ANKRD44: variants seen among roughly 807,000 people sequenced by gnomAD.
The protein encoded by ANKRD44 is serine/threonine-protein phosphatase 6 regulatory ankyrin repeat subunit B.
Under a neutral mutation model 116.0 loss-of-function variants are expected in ANKRD44, and 35 were observed. That is an observed-to-expected ratio of 0.30 (90% CI 0.23 to 0.40). ANKRD44 has a LOEUF of 0.40. Ranked by LOEUF, ANKRD44 falls within the 10% of genes least tolerant of loss-of-function variation. The pLI is 1.00. For synonymous variants in ANKRD44, 435 were observed against 461.8 expected (o/e 0.94, Z 0.74); for missense variants, 1,014 against 1,242.6 (o/e 0.82, Z 2.77).
chr2:197,037,970 T>C (rs2076838169), intron 16 of ANKRD44, among the ~76,000 whole-genome samples: 1 of 152,066 alleles, frequency 6.6e-6, no homozygotes, highest in Non-Finnish European at 1.5e-5. Context: ...TAGTCATTGC[T>C]ACATTTTAAA....
intron 2 of ANKRD44, among the ~76,000 whole-genome samples, chr2:197,147,495 C>G (rs1417236034): frequency 1.3e-5 from 2 of 150,280 alleles, no homozygotes; most frequent in African/African-American, 4.9e-5. Flanking sequence ...GACTTATTTT[C>G]TTTCTAAGGA....
At chr2:196,979,580 T>A (rs1312068280) in intron 21 of ANKRD44, among the ~76,000 whole-genome samples, 5 of 91,758 alleles carry the variant, frequency 5.4e-5, no homozygotes, top group Admixed American at 2.6e-4. Context: ...TTTTTTTTTT[T>A]AAGACAGAGT....
chr2:197,111,159 T>C (rs1190415824), intron 8 of ANKRD44, among the ~76,000 whole-genome samples: 1 of 152,196 alleles, frequency 6.6e-6, no homozygotes, highest in African/African-American at 2.4e-5. Flanking sequence ...CATCACATGT[T>C]TTAAAAGCTT....
intron 2 of ANKRD44, among the ~76,000 whole-genome samples, chr2:197,163,207 G>C (rs1574584546): frequency 1.3e-5 from 2 of 152,320 alleles, no homozygotes; most frequent in Non-Finnish European, 2.9e-5. Flanking sequence ...GACTTACCCA[G>C]TGGGTGAGAA....
At chr2:197,109,095 T>C (rs549888496) in intron 9 of ANKRD44, among the ~76,000 whole-genome samples, 3 of 152,272 alleles carry the variant, frequency 2.0e-5, no homozygotes, top group Middle Eastern at 3.4e-3. Context: ...AGGAGAAAAG[T>C]TGTTTTCCCT....
intron 2 of ANKRD44, among the ~76,000 whole-genome samples, chr2:197,184,759 G>T (rs2080612152): frequency 3.3e-5 from 5 of 151,954 alleles, no homozygotes; most frequent in African/African-American, 1.2e-4. Flanking sequence ...GTTGCTACCT[G>T]GGATCCTGTT....
At chr2:197,310,455 G>A (rs112572902) in intron 1 of ANKRD44, 123 bp downstream of exon 1, 1 of 635,624 alleles carries the variant, frequency 1.6e-6, no homozygotes, top group Non-Finnish European at 1.9e-6. Flanking sequence ...GCCGCACACA[G>A]TCCTCCCCTT....
Position 197,275,170 on chromosome 2 carries a change from A to G in ANKRD44, c.27+35408T>C, listed in dbSNP as rs533368421. 7.9e-5 allele frequency among the ~76,000 whole-genome samples: 12 copies of G among 151,698 alleles called. No homozygotes were observed. In the East Asian group the frequency reaches 1.8e-3, roughly 22 times the overall value. On this transcript the variant is annotated intron_variant, in intron 1 of 27. Transcript: ENST00000282272. The stretch of plus-strand genomic sequence containing the variant: ...GTCACCCAGGCTGGAGTGCAGTGGT[A>G]GTGGTGTAATCACAGCTCATTGCAG...
chr2:197,289,746 T>C (rs1349949336), intron 1 of ANKRD44, among the ~76,000 whole-genome samples: 3 of 152,180 alleles, frequency 2.0e-5, no homozygotes, highest in East Asian at 1.9e-4. Flanking sequence ...TTGGGGGTGA[T>C]AGAATCATTC....
In ANKRD44 at chr2:197,008,987, C is replaced by A. The variant is rs994243078; in HGVS notation, c.1969G>T (p.Ala657Ser). The A allele has an allele frequency of 1.2e-6, 2 of 1,614,038 alleles. No homozygotes were observed. Among genetic ancestry groups the A allele is most frequent in the Non-Finnish European group, 1.7e-6 (2 of 1,180,008 alleles). Residue 657 changes from alanine to serine, a missense_variant, in exon 19 of 28, where the codon GCA (alanine) becomes TCA (serine). Physicochemically the swap from Ala to Ser is moderately conservative, Grantham distance 99 (BLOSUM62 1). Transcript: ENST00000282272. ...ACATCGACCGCCTCCGGGTTGTCTG[C>A]AATTTCTAGCAACAGCCGTAAACAC... The part of the protein sequence containing the change: ...TLCLRLLLEI[A>S]DNPEAVDVKD...
chr2:196,979,552 G>C (rs939956061), intron 21 of ANKRD44, among the ~76,000 whole-genome samples: 3 of 103,116 alleles, frequency 2.9e-5, no homozygotes, highest in African/African-American at 1.2e-4. Context: ...TTAATAAGAT[G>C]ACTTTTTTTT....
At chr2:196,968,095 C>G (rs2075688022) in intron 21 of ANKRD44, among the ~76,000 whole-genome samples, 1 of 152,174 alleles carries the variant, frequency 6.6e-6, no homozygotes, top group South Asian at 2.1e-4. Flanking sequence ...AACCTCTTTT[C>G]TTTGTAAATT....
intron 16 of ANKRD44, among the ~76,000 whole-genome samples, chr2:197,066,282 A>G (rs900733472): frequency 2.6e-5 from 4 of 152,220 alleles, no homozygotes; most frequent in African/African-American, 9.7e-5. Flanking sequence ...TATTGATGGG[A>G]CATATCTCAA....
intron 1 of ANKRD44, 31 bp from the exon 2 acceptor site, chr2:197,187,137 T>C (rs1275539205): frequency 1.3e-6 from 2 of 1,592,846 alleles, no homozygotes; most frequent in African/African-American, 2.7e-5. Context: ...GAATCAGAAC[T>C]AAAATTAATA....
chr2:197,029,454 A>C (rs2076662539), intron 16 of ANKRD44: 1 of 393,676 alleles, frequency 2.5e-6, no homozygotes, highest in Non-Finnish European at 4.9e-6. Context: ...TGCTTATCTT[A>C]TGCATGGGAA....
At chr2:197,076,391 T>C (rs999637454) in intron 16 of ANKRD44, among the ~76,000 whole-genome samples, 2 of 152,124 alleles carry the variant, frequency 1.3e-5, no homozygotes, top group African/African-American at 2.4e-5. Flanking sequence ...CCCAAGGAAA[T>C]TGGAGTTTTA....
chr2:197,078,476 C>A, intron 16 of ANKRD44: 2 of 1,229,746 alleles, frequency 1.6e-6, no homozygotes, highest in Non-Finnish European at 2.1e-6. Flanking sequence ...TGCTTTTGTG[C>A]TGTGCTTAAA....
At chr2:197,171,990 AT>A (rs2080246081) in intron 2 of ANKRD44, among the ~76,000 whole-genome samples, 1 of 106,448 alleles carries the variant, frequency 9.4e-6, no homozygotes, top group Non-Finnish European at 1.9e-5. Flanking sequence ...CATGTCCGTT[AT>A]TTTTCTTCTT....
At chr2:197,028,286 G>A (rs967491731) in intron 16 of ANKRD44, among the ~76,000 whole-genome samples, 2 of 152,040 alleles carry the variant, frequency 1.3e-5, no homozygotes, top group African/African-American at 4.8e-5. Flanking sequence ...GTGGTGGTGT[G>A]AACATAGCTC....
Sources: allele counts gnomAD v4.1 joint callset (sites outside exome capture counted in the v4.1 genomes callset), GRCh38; gene constraint gnomAD v4.1.1; transcripts MANE v1.5; gene names NCBI Gene and HGNC (gene_info 2026-07-23, HGNC 2026-07-21).